The following ANKRD13C variants were observed in gnomAD, a reference collection of about 807,000 sequenced individuals.
ANKRD13C encodes ankyrin repeat domain 13C, also known as ankyrin repeat domain-containing protein 13C.
Under a neutral mutation model 65.5 loss-of-function variants are expected in ANKRD13C, and 16 were observed. The observed-to-expected ratio is 0.24, with a 90% CI of 0.17 to 0.37. The LOEUF (loss-of-function observed/expected upper bound fraction) is 0.37, where lower values mean the gene tolerates loss of function less well. ANKRD13C is among the 10% of genes least tolerant of loss of function. The probability of loss-of-function intolerance (pLI) is 1.00; values close to 1 mark genes in which losing one functional copy is unlikely to be tolerated. For synonymous variants in ANKRD13C, 235 were observed against 238.7 expected, an observed-to-expected ratio of 0.98 and a Z score of 0.14; for missense variants, 503 against 655.9, an observed-to-expected ratio of 0.77 and a Z score of 2.55.
intron 2 of ANKRD13C, among the ~76,000 whole-genome samples, chr1:70,326,622 C>A (rs543168382): frequency 6.6e-6 from 1 of 151,242 alleles, no homozygotes. Flanking sequence ...GTGTTTCAAT[C>A]TGGTAACAGT....
Position 70,276,849 on chromosome 1 carries a change from C to CAAAA in ANKRD13C, c.1216-9_1216-6dup. On this transcript the variant is annotated splice_polypyrimidine_tract_variant and splice_region_variant and intron_variant, in intron 9 of 12. Transcript: ENST00000370944. Reference sequence around the variant, plus strand: ...AAGAGACTGTCTTCGAATCGGCTGCCAAAAAAAAAAAAGAAAGAAAGTGGG... The same window carrying CAAAA: ...AAGAGACTGTCTTCGAATCGGCTGCCAAAAAAAAAAAAAAAAGAAAGAAAGTGGG... The CAAAA allele has an allele frequency of 7.9e-7, 1 of 1,260,636 alleles. No homozygotes were observed. The highest frequency in any genetic ancestry group is 1.1e-6 in the Non-Finnish European group (1 of 935,098). 78.1% of individuals were successfully genotyped at this position (1,260,636 alleles called of 1,614,324 possible).
intron 1 of ANKRD13C, among the ~76,000 whole-genome samples, chr1:70,338,702 T>C (rs1366830110): frequency 6.6e-6 from 1 of 152,024 alleles, no homozygotes; most frequent in East Asian, 1.9e-4. Context: ...GCCCGGCCCT[T>C]AAGAACAATT....
intron 3 of ANKRD13C, among the ~76,000 whole-genome samples, chr1:70,319,232 C>T (rs1335434482): frequency 1.3e-5 from 2 of 152,138 alleles, no homozygotes; most frequent in African/African-American, 4.8e-5. Context: ...AAGCTGATAT[C>T]AATGTGGTCC....
chr1:70,297,286 G>GGTTTGTTTTTTTT (rs1558281019), intron 7 of ANKRD13C, among the ~76,000 whole-genome samples: 1 of 125,098 alleles, frequency 8.0e-6, no homozygotes, highest in Non-Finnish European at 1.7e-5. Flanking sequence ...GTCCCTTTCT[G>GGTTTGTTTTTTTT]ATTTTTTTTT....
chr1:70,314,976 C>T (rs1219352722), intron 4 of ANKRD13C, among the ~76,000 whole-genome samples: 1 of 152,162 alleles, frequency 6.6e-6, no homozygotes, highest in Non-Finnish European at 1.5e-5. Flanking sequence ...CGGTGGCTCA[C>T]GCCTATAATC....
At chr1:70,345,979 CT>C (rs993453569) in intron 1 of ANKRD13C, among the ~76,000 whole-genome samples, 4 of 151,488 alleles carry the variant, frequency 2.6e-5, no homozygotes, top group African/African-American at 9.7e-5. Context: ...TTTTCTAATA[CT>C]TTTTTTTTCT....
At chr1:70,346,537 G>GC (rs1682532923) in intron 1 of ANKRD13C, among the ~76,000 whole-genome samples, 1 of 152,110 alleles carries the variant, frequency 6.6e-6, no homozygotes, top group Non-Finnish European at 1.5e-5. Context: ...GCAGGAAATT[G>GC]CAAGTACTAG....
At position 70,354,367 on chromosome 1, in the gene ANKRD13C, C is replaced by T. The variant is rs1411786629; in HGVS notation, c.42G>A (p.Lys14=). Reference sequence around the variant, plus strand: ...GCAGGTCCCCTTCTTCTTTGCTGGGCTTGTGGTCCCTCCGCAGTGAGCGGA... The same window carrying T: ...GCAGGTCCCCTTCTTCTTTGCTGGGTTTGTGGTCCCTCCGCAGTGAGCGGA... ...EKIRSLRRDH[K]PSKEEGDLLE... The change falls in exon 1 of 13, where the codon AAG becomes AAA. Residue 14 remains lysine (K), a synonymous_variant. Coordinates refer to ENST00000370944, the MANE Select transcript of ANKRD13C (RefSeq NM_030816.5). The T allele has an allele frequency of 4.3e-6, 7 of 1,613,944 alleles. No individual in the cohort carries two copies. The highest frequency in any genetic ancestry group is 5.9e-6 in the Non-Finnish European group (7 of 1,179,978).
intron 7 of ANKRD13C, 48 bp from the exon 8 acceptor site, chr1:70,296,309 G>T: frequency 1.3e-6 from 2 of 1,574,686 alleles, no homozygotes; most frequent in South Asian, 2.3e-5. Context: ...TTTTTCAAAA[G>T]TTCTTAGTAC....
chr1:70,325,773 G>A (rs1681508519), intron 2 of ANKRD13C, among the ~76,000 whole-genome samples: 1 of 152,186 alleles, frequency 6.6e-6, no homozygotes, highest in Non-Finnish European at 1.5e-5. Flanking sequence ...CAGCTAAATG[G>A]GAGGCTGAGG....
intron 2 of ANKRD13C, among the ~76,000 whole-genome samples, chr1:70,335,297 T>C (rs1020162778): frequency 6.6e-6 from 1 of 151,652 alleles, no homozygotes; most frequent in Non-Finnish European, 1.5e-5. Context: ...TCCCAGCTAC[T>C]CAGGAGGCTG....
chr1:70,303,346 T>C (rs1437834619), intron 6 of ANKRD13C, among the ~76,000 whole-genome samples: 1 of 152,120 alleles, frequency 6.6e-6, no homozygotes, highest in Non-Finnish European at 1.5e-5. Context: ...TAATTAGCCA[T>C]GAAGAACAAT....
At chr1:70,289,382 G>C (rs553868333) in intron 9 of ANKRD13C, among the ~76,000 whole-genome samples, 18 of 152,226 alleles carry the variant, frequency 1.2e-4, no homozygotes, top group Admixed American at 1.1e-3. Context: ...CAGACCAGAA[G>C]AGGCAACTGG....
intron 2 of ANKRD13C, among the ~76,000 whole-genome samples, chr1:70,335,042 T>C (rs972994022): frequency 1.3e-5 from 2 of 152,118 alleles, no homozygotes; most frequent in Non-Finnish European, 2.9e-5. Context: ...ATGATACTTC[T>C]AGATCATTGA....
intron 3 of ANKRD13C, among the ~76,000 whole-genome samples, chr1:70,319,917 T>A (rs1356096657): frequency 6.6e-6 from 1 of 152,190 alleles, no homozygotes; most frequent in Non-Finnish European, 1.5e-5. Flanking sequence ...ATCCTGACTA[T>A]GTTTCTGACA....
At chr1:70,314,224 ATTTT>A (rs903807914) in intron 4 of ANKRD13C, among the ~76,000 whole-genome samples, 1 of 146,788 alleles carries the variant, frequency 6.8e-6, no homozygotes, top group African/African-American at 2.5e-5. Context: ...TGAAAAAAAA[ATTTT>A]TTTTTTTTGA....
chr1:70,331,665 A>C (rs879727513), intron 2 of ANKRD13C, among the ~76,000 whole-genome samples: 8 of 151,888 alleles, frequency 5.3e-5, no homozygotes, highest in Non-Finnish European at 1.2e-4. Context: ...AACATGGTGA[A>C]ACCCTGTCTC....
chr1:70,285,792 T>C (rs1429267087), intron 9 of ANKRD13C, among the ~76,000 whole-genome samples: 1 of 151,946 alleles, frequency 6.6e-6, no homozygotes, highest in African/African-American at 2.4e-5. Flanking sequence ...ACCTAGCTAA[T>C]TTTTATATTT....
intron 9 of ANKRD13C, among the ~76,000 whole-genome samples, chr1:70,278,432 G>A (rs1369937331): frequency 6.6e-6 from 1 of 151,704 alleles, no homozygotes; most frequent in African/African-American, 2.4e-5. Context: ...GGCAGAGATT[G>A]CAGTGACCTG....
Sources: gnomAD v4.1 joint callset for allele counts (sites outside exome capture counted in the v4.1 genomes callset) on GRCh38, gnomAD v4.1.1 for gene constraint, MANE v1.5 for transcripts, NCBI Gene and HGNC (gene_info 2026-07-23, HGNC 2026-07-21) for gene names.